The following MAL2 variants were observed in gnomAD, a reference collection of about 807,000 sequenced individuals.
MAL2 encodes the protein protein MAL2.
A neutral mutation model predicts 18.1 loss-of-function variants in MAL2; 17 were observed. The ratio of observed to expected loss-of-function variants is 0.94; its 90% CI spans 0.64 to 1.41. The LOEUF is 1.41. Among genes scored for constraint, MAL2 ranks in the 40% most tolerant of loss-of-function variants. MAL2 has a pLI of 0.00. For missense variants in MAL2, 222 were observed against 231.9 expected (o/e 0.96, Z 0.28); for synonymous variants, 102 against 102.3 (o/e 1.00, Z 0.02).
At chr8:119,239,160 A>C (rs1312614590) in intron 2 of MAL2, among the ~76,000 whole-genome samples, 2 of 152,370 alleles carry the variant, frequency 1.3e-5, no homozygotes, top group Non-Finnish European at 2.9e-5. Flanking sequence ...TGCAGCCAAA[A>C]AACACATGAA....
intron 1 of MAL2, among the ~76,000 whole-genome samples, chr8:119,214,694 G>A (rs1210636156): frequency 6.6e-6 from 1 of 152,182 alleles, no homozygotes; most frequent in Non-Finnish European, 1.5e-5. Flanking sequence ...CTGAATTGGA[G>A]GTTTAGGTCA....
rs538221280 is a variant in MAL2, at chr8:119,231,255, C to A, written c.304-8910C>A. ...CACTGTGTTAGCCAGGATGGTCTCTCTCTCCTGACCTCATGATCCGCCCGC... is the reference window on the plus strand; with the variant it reads ...CACTGTGTTAGCCAGGATGGTCTCTATCTCCTGACCTCATGATCCGCCCGC... On this transcript the variant is annotated intron_variant, in intron 2 of 3. Transcript: ENST00000614891. Among the ~76,000 whole-genome samples, 18 of 152,186 alleles carry A rather than the reference C, an allele frequency of 1.2e-4. No individual in the cohort carries two copies. In the East Asian group the frequency reaches 1.4e-3, roughly 11 times the overall value.
At chr8:119,219,571 G>GAC (rs1817430001) in intron 1 of MAL2, among the ~76,000 whole-genome samples, 1 of 132,098 alleles carries the variant, frequency 7.6e-6, no homozygotes, top group African/African-American at 2.6e-5. Flanking sequence ...GAGAGACAGA[G>GAC]AGAGAGAGAG....
In MAL2 at chr8:119,239,845, A is replaced by G. The variant is rs556944882; in HGVS notation, c.304-320A>G. On this transcript the variant is annotated intron_variant, in intron 2 of 3. Transcript: ENST00000614891. Reference sequence around the variant, plus strand: ...TGAGTGCAGCACACTAGCATGGCACATGTATACATATGTAACTAACCTGCA... The same window carrying G: ...TGAGTGCAGCACACTAGCATGGCACGTGTATACATATGTAACTAACCTGCA... Among the ~76,000 whole-genome samples, 63 of 146,568 alleles carry G rather than the reference A, an allele frequency of 4.3e-4. 1 individual carries two copies. The highest frequency in any genetic ancestry group is 1.5e-3 in the African/African-American group (62 of 40,950).
Position 119,208,801 on chromosome 8 carries a change from G to A in MAL2, c.132+197G>A. On this transcript the variant is annotated intron_variant, in intron 1 of 3. Transcript: ENST00000614891. The surrounding 1 kb of genome is among the most constrained non-coding windows in gnomAD (Gnocchi z 4.3). ...CCCTCCCTCCTAGCACCTGTTACGC[G>A]GGCACCTGCTCCCCCGCGGGCGACG... 1 of 839,912 alleles carries A rather than the reference G, an allele frequency of 1.2e-6. No homozygotes were observed. The highest frequency in any genetic ancestry group is 4.5e-5 in the Admixed American group (1 of 22,318). 52.0% of individuals were successfully genotyped at this position (839,912 alleles called of 1,614,324 possible).
chr8:119,213,230 A>G (rs1817293137), intron 1 of MAL2, among the ~76,000 whole-genome samples: 1 of 152,224 alleles, frequency 6.6e-6, no homozygotes, highest in Admixed American at 6.5e-5. Flanking sequence ...AATGTTAATG[A>G]AAGGATGATT....
chr8:119,220,262 A>G (rs11997485), intron 1 of MAL2, among the ~76,000 whole-genome samples: 14,059 of 152,240 alleles, frequency 0.092, 1,951 homozygotes, highest in African/African-American at 0.3. Flanking sequence ...ACATCTGATC[A>G]GTTACCAACT....
intron 2 of MAL2, among the ~76,000 whole-genome samples, chr8:119,230,383 CAATTT>C (rs1366717378): frequency 6.8e-6 from 1 of 146,784 alleles, no homozygotes; most frequent in East Asian, 2.1e-4. Context: ...CTTGAAACCA[CAATTT>C]AATTCAGATA....
chr8:119,226,833 G>A (rs1817606483), intron 2 of MAL2, among the ~76,000 whole-genome samples: 4 of 152,208 alleles, frequency 2.6e-5, no homozygotes, highest in Admixed American at 2.6e-4. Flanking sequence ...CAGCTGTCTT[G>A]TGTTTAAACA....
At chr8:119,233,109 G>GTTCT (rs1310564387) in intron 2 of MAL2, among the ~76,000 whole-genome samples, 16 of 152,148 alleles carry the variant, frequency 1.1e-4, no homozygotes, top group Non-Finnish European at 2.4e-4. Context: ...AAATAAAGAT[G>GTTCT]TTCTTTGAAA....
intron 2 of MAL2, among the ~76,000 whole-genome samples, chr8:119,222,200 G>A (rs889824418): frequency 3.3e-5 from 5 of 151,684 alleles, no homozygotes; most frequent in African/African-American, 9.7e-5. Context: ...GATAATAAAC[G>A]TCTGTCCCAA....
rs1478730469 is a variant in MAL2, at chr8:119,244,413, C to T, written c.*925C>T. The T allele has an allele frequency of 6.6e-6, 1 of 152,110 alleles. No individual in the cohort carries two copies. The highest frequency in any genetic ancestry group is 2.4e-5 in the African/African-American group (1 of 41,432). 9.4% of individuals were successfully genotyped at this position (152,110 alleles called of 1,614,324 possible). A position where few individuals can be genotyped will look rare whatever the true frequency, so the allele number is the denominator to read the frequency against. ...GATAGTCTAACAACTGAGCAAGATC[C>T]TCATCTGAGAGTGCTTAAAATGGGA... On this transcript the variant is annotated 3_prime_UTR_variant, in exon 4 of 4. Transcript: ENST00000614891.
At chr8:119,209,623 C>A (rs1324342671) in intron 1 of MAL2, among the ~76,000 whole-genome samples, 2 of 152,176 alleles carry the variant, frequency 1.3e-5, no homozygotes, top group Non-Finnish European at 2.9e-5. Flanking sequence ...TCTCCCCTCA[C>A]CCTGGCCTTT....
chr8:119,212,986 G>A (rs1203213871), intron 1 of MAL2, among the ~76,000 whole-genome samples: 3 of 152,186 alleles, frequency 2.0e-5, no homozygotes, highest in African/African-American at 7.2e-5. Context: ...AAGTTTGGTT[G>A]TAAAACAAAG....
chr8:119,242,996 C>A (rs1818077555), intron 3 of MAL2, among the ~76,000 whole-genome samples: 1 of 152,204 alleles, frequency 6.6e-6, no homozygotes, highest in Admixed American at 6.5e-5. Flanking sequence ...TACCTTCCAT[C>A]ATCATAGAAA....
chr8:119,215,205 G>A (rs987306033), intron 1 of MAL2: 7 of 152,172 alleles, frequency 4.6e-5, no homozygotes, highest in Non-Finnish European at 7.3e-5. Context: ...ACTAGGTGGT[G>A]GGTGTCACCA....
chr8:119,234,197 C>G (rs370767667), intron 2 of MAL2, among the ~76,000 whole-genome samples: 2 of 152,150 alleles, frequency 1.3e-5, no homozygotes, highest in East Asian at 1.9e-4. Flanking sequence ...AAAGGGGTGA[C>G]GGACGCACCG....
intron 2 of MAL2, among the ~76,000 whole-genome samples, chr8:119,237,796 G>A (rs141744831): frequency 0.11 from 15,870 of 149,430 alleles, 2,873 homozygotes; most frequent in African/African-American, 0.36. Flanking sequence ...TTTCAAAATA[G>A]TAAGAGCTAT....
intron 2 of MAL2, among the ~76,000 whole-genome samples, chr8:119,236,208 T>A (rs2129896579): frequency 9.1e-6 from 1 of 110,454 alleles, no homozygotes; most frequent in East Asian, 2.6e-4. Context: ...GGCCATTACA[T>A]AATGGTAAAG....
Sources: allele counts gnomAD v4.1 joint callset (sites outside exome capture counted in the v4.1 genomes callset), GRCh38; gene constraint gnomAD v4.1.1; non-coding constraint Gnocchi (gnomAD v3.1); transcripts MANE v1.5; gene names NCBI Gene and HGNC (gene_info 2026-07-23, HGNC 2026-07-21).